WDPCP: variants seen among roughly 807,000 people sequenced by gnomAD.
WDPCP encodes WD repeat-containing and planar cell polarity effector protein fritz homolog.
In WDPCP, 71 loss-of-function variants were observed where a neutral mutation model predicts 93.1. The observed-to-expected ratio is 0.76, with a 90% CI of 0.63 to 0.93. WDPCP has a LOEUF of 0.93. Ranked by LOEUF, WDPCP falls within the 40% of genes least tolerant of loss-of-function variation. WDPCP has a pLI of 0.00. For synonymous variants in WDPCP, 315 were observed against 315.0 expected (o/e 1.00, Z 0.00); for missense variants, 844 against 887.4 (o/e 0.95, Z 0.62).
chr2:63,640,121 G>C (rs1464759568), intron 3 of WDPCP, among the ~76,000 whole-genome samples: 1 of 152,126 alleles, frequency 6.6e-6, no homozygotes, highest in African/African-American at 2.4e-5. Flanking sequence ...CCATTCTCCT[G>C]CCTCAGCCTC....
At chr2:63,393,171 G>A (rs908964265) in intron 10 of WDPCP, among the ~76,000 whole-genome samples, 1 of 152,178 alleles carries the variant, frequency 6.6e-6, no homozygotes, top group African/African-American at 2.4e-5. Context: ...TTAAGAAAAT[G>A]TGGCACATAT....
intron 2 of WDPCP, among the ~76,000 whole-genome samples, chr2:63,763,874 G>A (rs547253725): frequency 6.6e-6 from 1 of 152,168 alleles, no homozygotes; most frequent in East Asian, 1.9e-4. Flanking sequence ...GGTGTTGGGG[G>A]GAGGGTCACA....
intron 1 of WDPCP, among the ~76,000 whole-genome samples, chr2:63,546,838 A>C (rs1239930147): frequency 6.6e-6 from 1 of 152,186 alleles, no homozygotes; most frequent in Non-Finnish European, 1.5e-5. Flanking sequence ...TCAGGCACAG[A>C]AAATAAATAA....
At chr2:63,307,330 T>C (rs747799159) in intron 13 of WDPCP, among the ~76,000 whole-genome samples, 9 of 152,102 alleles carry the variant, frequency 5.9e-5, no homozygotes, top group Non-Finnish European at 1.2e-4. Flanking sequence ...ATTTATAGAC[T>C]CAATGCTATC....
intron 12 of WDPCP, among the ~76,000 whole-genome samples, chr2:63,326,572 GAAA>G (rs1687561739): frequency 6.6e-6 from 1 of 151,622 alleles, no homozygotes; most frequent in African/African-American, 2.4e-5. Flanking sequence ...CAGAAAGAAA[GAAA>G]GAGACAAAGT....
intron 1 of WDPCP, among the ~76,000 whole-genome samples, chr2:63,558,234 TAAA>T (rs1436151147): frequency 4.0e-5 from 6 of 151,776 alleles, no homozygotes; most frequent in African/African-American, 1.2e-4. Flanking sequence ...GCTAAACTAA[TAAA>T]GAAGAAAAGA....
At chr2:63,262,602 T>C (rs573614039) in intron 13 of WDPCP, among the ~76,000 whole-genome samples, 6 of 151,816 alleles carry the variant, frequency 4.0e-5, no homozygotes, top group Non-Finnish European at 8.8e-5. Context: ...ATGGTTCTAT[T>C]TGTGGTACTA....
chr2:63,479,114 T>C (rs540126002), intron 6 of WDPCP, among the ~76,000 whole-genome samples: 1 of 150,440 alleles, frequency 6.6e-6, no homozygotes, highest in East Asian at 1.9e-4. Context: ...CCTGGAAATA[T>C]ACAACCTTCC....
intron 12 of WDPCP, among the ~76,000 whole-genome samples, chr2:63,340,782 A>C (rs184836449): frequency 6.6e-6 from 1 of 152,252 alleles, no homozygotes; most frequent in East Asian, 1.9e-4. Flanking sequence ...TGTTGGTAGA[A>C]ATCTCACCGT....
chr2:63,146,049 A>T (rs1395248219), intron 17 of WDPCP, among the ~76,000 whole-genome samples: 3 of 152,096 alleles, frequency 2.0e-5, no homozygotes, highest in Non-Finnish European at 2.9e-5. Context: ...ATTTTTGTAC[A>T]TTGGTTTTGT....
chr2:63,760,162 T>C (rs964002723), intron 2 of WDPCP, among the ~76,000 whole-genome samples: 2 of 152,178 alleles, frequency 1.3e-5, no homozygotes, highest in African/African-American at 2.4e-5. Context: ...AATTTGAAGA[T>C]AAAGTATTAA....
At position 63,588,384 on chromosome 2, in the gene WDPCP, G is replaced by T. The variant is rs192963932; in HGVS notation, c.-113C>A. On this transcript the variant is annotated 5_prime_UTR_variant, in exon 1 of 18. The change creates a new upstream start codon in the 5' untranslated region. Coordinates refer to ENST00000272321, the MANE Select transcript of WDPCP (RefSeq NM_015910.7). ...CCAGGACGCCGCCGCCGCCGCCACA[G>T]TTTCCTCAGGTGCTACAAAGCAGCC... 603 of 1,231,182 alleles carry T rather than the reference G, an allele frequency of 4.9e-4. 5 individuals carry two copies. The East Asian group carries it at 0.013, about 27-fold the overall frequency. 76.3% of individuals were successfully genotyped at this position (1,231,182 alleles called of 1,614,324 possible).
intron 1 of WDPCP, among the ~76,000 whole-genome samples, chr2:63,502,098 T>G (rs769948397): frequency 6.6e-6 from 1 of 152,222 alleles, no homozygotes; most frequent in South Asian, 2.1e-4. Flanking sequence ...ACTTTCTAAA[T>G]GTACTTACAA....
intron 2 of WDPCP, among the ~76,000 whole-genome samples, chr2:63,491,594 A>G (rs1384565340): frequency 6.6e-6 from 1 of 152,188 alleles, no homozygotes; most frequent in Non-Finnish European, 1.5e-5. Context: ...ACCCATCAGT[A>G]TGTAGGCTTC....
chr2:63,662,435 G>C (rs564032124), intron 2 of WDPCP, among the ~76,000 whole-genome samples: 1 of 152,074 alleles, frequency 6.6e-6, no homozygotes, highest in Non-Finnish European at 1.5e-5. Context: ...CAGAAAACAC[G>C]AGATTTCTGG....
At chr2:63,583,365 G>T (rs146608374) in intron 1 of WDPCP, among the ~76,000 whole-genome samples, 5 of 152,234 alleles carry the variant, frequency 3.3e-5, no homozygotes, top group South Asian at 2.1e-4. Flanking sequence ...CAAATAGCAA[G>T]ACGTCATTTA....
intron 2 of WDPCP, among the ~76,000 whole-genome samples, chr2:63,657,206 T>TTTG (rs1491484296): frequency 2.6e-4 from 2 of 7,600 alleles, no homozygotes; most frequent in East Asian, 0.033. Flanking sequence ...CTGGGTGATG[T>TTTG]TTTTTTTTTT....
At chr2:63,785,021 C>T (rs1670446429) in intron 2 of WDPCP, among the ~76,000 whole-genome samples, 1 of 152,154 alleles carries the variant, frequency 6.6e-6, no homozygotes, top group South Asian at 2.1e-4. Context: ...TATGAGAGTT[C>T]AATAAATGAC....
In WDPCP at chr2:63,681,724, C is replaced by T. The variant is rs751264050; in HGVS notation, n.309-30886G>A. ...GGGAGGCAGTGGTTACAGAGGGCCT[C>T]GGACAAGATTCAATACTATGCTGGC... On this transcript the variant is annotated intron_variant and non_coding_transcript_variant, in intron 2 of 4. Transcript: ENST00000467687. 1.5e-4 allele frequency among the ~76,000 whole-genome samples: 23 copies of T among 152,144 alleles called. 1 individual carries two copies. The highest frequency in any genetic ancestry group is 3.3e-4 in the Admixed American group (5 of 15,276).
Sources: gnomAD v4.1 joint callset for allele counts (sites outside exome capture counted in the v4.1 genomes callset) on GRCh38, gnomAD v4.1.1 for gene constraint, MANE v1.5 for transcripts, NCBI Gene and HGNC (gene_info 2026-07-23, HGNC 2026-07-21) for gene names.